The following FOCAD variants were observed in gnomAD, a reference collection of about 807,000 sequenced individuals.
FOCAD encodes the protein focadhesin.
A neutral mutation model predicts 225.6 loss-of-function variants in FOCAD; 198 were observed. The ratio of observed to expected loss-of-function variants is 0.88; its 90% CI spans 0.78 to 0.99. The LOEUF (loss-of-function observed/expected upper bound fraction) is 0.99, where lower values mean the gene tolerates loss of function less well. Among genes scored for constraint, FOCAD ranks in the 50% least tolerant of loss-of-function variants. The pLI is 0.00. For synonymous variants in FOCAD, 897 were observed against 755.0 expected, an observed-to-expected ratio of 1.19 and a Z score of -3.08; for missense variants, 2,713 against 2,123.6, an observed-to-expected ratio of 1.28 and a Z score of -5.46.
intron 32 of FOCAD, among the ~76,000 whole-genome samples, chr9:20,949,377 A>T (rs1022358712): frequency 4.6e-5 from 7 of 152,142 alleles, no homozygotes; most frequent in Non-Finnish European, 1.0e-4. Context: ...TTAAAAGTTG[A>T]TTGAGTGATT....
At chr9:20,854,573 G>C (rs1268289049) in intron 15 of FOCAD, among the ~76,000 whole-genome samples, 1 of 151,680 alleles carries the variant, frequency 6.6e-6, no homozygotes, top group Non-Finnish European at 1.5e-5. Flanking sequence ...TCTTTAATCT[G>C]TACTGTTTAG....
intron 15 of FOCAD, among the ~76,000 whole-genome samples, chr9:20,852,376 G>T (rs1827743545): frequency 6.6e-6 from 1 of 151,348 alleles, no homozygotes; most frequent in Non-Finnish European, 1.5e-5. Flanking sequence ...GTAGTTAGTT[G>T]TGTGAGCCAC....
At chr9:20,906,902 A>G (rs979735945) in intron 21 of FOCAD, among the ~76,000 whole-genome samples, 6 of 152,000 alleles carry the variant, frequency 3.9e-5, no homozygotes, top group African/African-American at 1.4e-4. Context: ...ACTTGTTATT[A>G]TTGTAGGATT....
At chr9:20,751,655 T>G (rs1257682727) in intron 5 of FOCAD, among the ~76,000 whole-genome samples, 1 of 147,032 alleles carries the variant, frequency 6.8e-6, no homozygotes, top group African/African-American at 2.5e-5. Context: ...TGATTTATAG[T>G]CCTTTGGGTA....
intron 15 of FOCAD, among the ~76,000 whole-genome samples, chr9:20,830,996 G>A (rs183743810): frequency 5.9e-5 from 9 of 152,090 alleles, no homozygotes; most frequent in Admixed American, 5.9e-4. Flanking sequence ...ACCTTTAAAG[G>A]ATGTTTTTGA....
intron 1 of FOCAD, among the ~76,000 whole-genome samples, chr9:20,693,149 C>A (rs1339167490): frequency 6.6e-6 from 1 of 152,190 alleles, no homozygotes; most frequent in East Asian, 1.9e-4. Context: ...GTTGCCTCTC[C>A]AACTCCATTT....
intron 21 of FOCAD, among the ~76,000 whole-genome samples, chr9:20,893,904 G>A (rs73648442): frequency 0.011 from 1,687 of 152,088 alleles, 30 homozygotes; most frequent in African/African-American, 0.038. Flanking sequence ...TTATATTAGG[G>A]TTTATTCTTG....
chr9:20,946,610 G>C (rs895238118), intron 29 of FOCAD, 91 bp from the exon 30 acceptor site: 14 of 1,391,110 alleles, frequency 1.0e-5, no homozygotes, highest in East Asian at 2.4e-5. Context: ...CTTACTCTGG[G>C]GGGGAGTTTG....
At chr9:20,903,880 A>G (rs1832745115) in intron 21 of FOCAD, among the ~76,000 whole-genome samples, 1 of 151,882 alleles carries the variant, frequency 6.6e-6, no homozygotes, top group Admixed American at 6.6e-5. Context: ...TCATGTACCC[A>G]TGAAACAGCC....
chr9:20,995,720 T>C lies in FOCAD; in HGVS notation c.*91T>C. On this transcript the variant is annotated 3_prime_UTR_variant, in exon 44 of 44. Coordinates refer to ENST00000338382, the MANE Select transcript of FOCAD (RefSeq NM_001375567.1). The stretch of plus-strand genomic sequence containing the variant: ...TTTCAGAATTCATGCCTGGTATTGC[T>C]GAGACATGATGCAGAGAGTTAAGGG... 1 of 1,116,286 alleles carries C rather than the reference T, an allele frequency of 9.0e-7. No homozygotes were observed. Among genetic ancestry groups the C allele is most frequent in the Non-Finnish European group, 1.3e-6 (1 of 743,814 alleles). 69.1% of individuals were successfully genotyped at this position (1,116,286 alleles called of 1,614,324 possible).
intron 42 of FOCAD, 96 bp downstream of exon 42, chr9:20,990,470 A>T: frequency 7.0e-7 from 1 of 1,419,384 alleles, no homozygotes; most frequent in Non-Finnish European, 9.6e-7. Flanking sequence ...GTGCGTCTTG[A>T]ATCACACCAC....
intron 28 of FOCAD, among the ~76,000 whole-genome samples, chr9:20,936,028 G>T (rs1221962240): frequency 1.3e-5 from 2 of 152,196 alleles, no homozygotes; most frequent in African/African-American, 4.8e-5. Context: ...CAGTTAGTCT[G>T]TGTGACTTGT....
intron 40 of FOCAD, 130 bp from the exon 41 acceptor site, chr9:20,988,202 A>C (rs1241907362): frequency 3.9e-6 from 2 of 513,044 alleles, no homozygotes; most frequent in East Asian, 6.4e-5. Context: ...CGGGTATTGC[A>C]AGGGAACATG....
At chr9:20,995,176 T>C (rs1226303530) in intron 43 of FOCAD, among the ~76,000 whole-genome samples, 2 of 152,024 alleles carry the variant, frequency 1.3e-5, no homozygotes, top group Non-Finnish European at 2.9e-5. Context: ...TATCATTAAG[T>C]AAATGTTTAA....
chr9:20,766,656 A>ACCTC (rs1286285423), intron 7 of FOCAD, among the ~76,000 whole-genome samples: 1 of 134,878 alleles, frequency 7.4e-6, no homozygotes, highest in African/African-American at 2.8e-5. Flanking sequence ...TTTCCTCCTC[A>ACCTC]CCTCCCTCCC....
chr9:20,972,760 G>A (rs1164029812), intron 35 of FOCAD, among the ~76,000 whole-genome samples: 2 of 152,044 alleles, frequency 1.3e-5, no homozygotes, highest in Admixed American at 6.6e-5. Context: ...CCTTTTTGCA[G>A]CTATTTTCCT....
intron 11 of FOCAD, among the ~76,000 whole-genome samples, chr9:20,813,834 A>G (rs1823350277): frequency 1.3e-5 from 2 of 152,172 alleles, no homozygotes; most frequent in African/African-American, 4.8e-5. Context: ...TATTGAAATC[A>G]TCTACTATTA....
At chr9:20,777,508 C>A (rs1818884370) in intron 8 of FOCAD, among the ~76,000 whole-genome samples, 1 of 151,862 alleles carries the variant, frequency 6.6e-6, no homozygotes, top group South Asian at 2.1e-4. Flanking sequence ...ATATACACAT[C>A]TTTTTTTCAT....
intron 10 of FOCAD, among the ~76,000 whole-genome samples, chr9:20,785,827 G>A (rs1412078770): frequency 6.6e-6 from 1 of 152,160 alleles, no homozygotes; most frequent in Non-Finnish European, 1.5e-5. Context: ...TGGGGGAATG[G>A]CCAGATTGTT....
Sources: gnomAD v4.1 joint callset for allele counts (sites outside exome capture counted in the v4.1 genomes callset) on GRCh38, gnomAD v4.1.1 for gene constraint, MANE v1.5 for transcripts, NCBI Gene and HGNC (gene_info 2026-07-23, HGNC 2026-07-21) for gene names.